The following SDK1 variants were observed in gnomAD, a reference collection of about 807,000 sequenced individuals.
SDK1 encodes the protein sidekick cell adhesion molecule 1, also known as protein sidekick-1.
A neutral mutation model predicts 245.5 loss-of-function variants in SDK1; 157 were observed. The ratio of observed to expected loss-of-function variants is 0.64; its 90% CI spans 0.56 to 0.73. SDK1 has a LOEUF of 0.73. Ranked by LOEUF, SDK1 falls within the 30% of genes least tolerant of loss-of-function variation. The pLI, the probability that SDK1 is intolerant of heterozygous loss-of-function variation, is 0.00. For synonymous variants in SDK1, 1,647 were observed against 1,278.5 expected (o/e 1.29, Z -6.15); for missense variants, 3,583 against 3,002.3 (o/e 1.19, Z -4.52).
chr7:4,100,081 T>G (rs1782435581), intron 22 of SDK1, among the ~76,000 whole-genome samples: 1 of 152,198 alleles, frequency 6.6e-6, no homozygotes, highest in Admixed American at 6.5e-5. Context: ...TCACGCCCCT[T>G]CCTGGGCAAC....
intron 4 of SDK1, among the ~76,000 whole-genome samples, chr7:3,746,258 A>C (rs1366793634): frequency 1.3e-5 from 2 of 152,244 alleles, no homozygotes; most frequent in Non-Finnish European, 2.9e-5. Flanking sequence ...AAAATACTTT[A>C]TTTTAAAATA....
chr7:3,507,421 G>A (rs1391294983), intron 1 of SDK1, among the ~76,000 whole-genome samples: 1 of 152,090 alleles, frequency 6.6e-6, no homozygotes, highest in Non-Finnish European at 1.5e-5. Flanking sequence ...TTTTGGGGTA[G>A]CCAGTACCTA....
chr7:4,253,416 A>T (rs1787435227), intron 44 of SDK1, among the ~76,000 whole-genome samples: 1 of 152,012 alleles, frequency 6.6e-6, no homozygotes, highest in Non-Finnish European at 1.5e-5. Flanking sequence ...TGTGTTTTAC[A>T]TTTCCTCATA....
In SDK1 at chr7:4,017,467, C is replaced by A. The variant is rs150179656; in HGVS notation, c.2602+115C>A. 1.1e-5 allele frequency: 9 copies of A among 848,634 alleles called. No homozygotes were observed. The Admixed American group carries it at 2.3e-4, about 22-fold the overall frequency. The allele number at this position is 848,634 out of a possible 1,614,324, so 52.6% of individuals were successfully genotyped here. A position where few individuals can be genotyped will look rare whatever the true frequency, so the allele number is the denominator to read the frequency against. ...ACAGAGAATCCAGTCCCCTAGGGAG[C>A]GTTTACAAGAAAATTCATCACGTAT... On this transcript the variant is annotated intron_variant, in intron 17 of 44. Coordinates refer to ENST00000404826, the MANE Select transcript of SDK1 (RefSeq NM_152744.4).
chr7:3,403,458 G>A (rs1245708078), intron 1 of SDK1, among the ~76,000 whole-genome samples: 2 of 151,972 alleles, frequency 1.3e-5, no homozygotes, highest in Admixed American at 6.6e-5. Context: ...TGTTTGATTT[G>A]TGATGCTGAC....
chr7:3,560,724 C>T (rs1273663031), intron 1 of SDK1, among the ~76,000 whole-genome samples: 1 of 152,142 alleles, frequency 6.6e-6, no homozygotes, highest in Non-Finnish European at 1.5e-5. Flanking sequence ...CCCACGTCTC[C>T]ACTGGGCCTG....
intron 22 of SDK1, among the ~76,000 whole-genome samples, chr7:4,109,082 G>C (rs1429235206): frequency 2.0e-5 from 3 of 152,194 alleles, no homozygotes; most frequent in Non-Finnish European, 4.4e-5. Context: ...CTGGGCGTTT[G>C]CCTTGTTCAC....
chr7:3,710,190 A>G (rs1785009566), intron 4 of SDK1, among the ~76,000 whole-genome samples: 1 of 152,210 alleles, frequency 6.6e-6, no homozygotes, highest in Non-Finnish European at 1.5e-5. Flanking sequence ...AGAGCCAGTA[A>G]CATGCAGCAG....
At chr7:4,168,216 C>T (rs1781617154) in intron 32 of SDK1, among the ~76,000 whole-genome samples, 1 of 152,162 alleles carries the variant, frequency 6.6e-6, no homozygotes, top group African/African-American at 2.4e-5. Flanking sequence ...GGCACGGCCG[C>T]CTGGACCCCC....
chr7:4,066,528 A>G (rs1779910522), intron 19 of SDK1, among the ~76,000 whole-genome samples: 1 of 152,208 alleles, frequency 6.6e-6, no homozygotes, highest in Non-Finnish European at 1.5e-5. Context: ...ATGGCTATAG[A>G]GAGACCATGG....
At chr7:4,031,700 G>A (rs1443646) in intron 17 of SDK1, among the ~76,000 whole-genome samples, 1 of 152,072 alleles carries the variant, frequency 6.6e-6, no homozygotes, top group Non-Finnish European at 1.5e-5. Context: ...TATGACAGAA[G>A]TGAAGTGAAA....
chr7:4,067,418 G>T (rs750890001), intron 19 of SDK1, among the ~76,000 whole-genome samples: 2 of 152,180 alleles, frequency 1.3e-5, no homozygotes, highest in African/African-American at 4.8e-5. Context: ...CTGGGCCCAG[G>T]GTCCTTTTCT....
chr7:4,032,072 G>GATCATGTCCTAGGCCACAGA (rs772584965), intron 17 of SDK1, among the ~76,000 whole-genome samples: 2 of 150,494 alleles, frequency 1.3e-5, no homozygotes, highest in African/African-American at 2.5e-5. Context: ...TCGATCGATC[G>GATCATGTCCTAGGCCACAGA]ATCATGTCCT....
At chr7:3,375,179 G>T (rs1781322879) in intron 1 of SDK1, among the ~76,000 whole-genome samples, 1 of 90,160 alleles carries the variant, frequency 1.1e-5, no homozygotes, top group South Asian at 5.5e-4. Context: ...AAGTTAATTT[G>T]CAAAAAAAAA....
intron 4 of SDK1, among the ~76,000 whole-genome samples, chr7:3,785,066 A>G (rs1583411125): frequency 6.6e-6 from 1 of 152,216 alleles, no homozygotes; most frequent in East Asian, 1.9e-4. Context: ...CATGGATGGA[A>G]TCAGAGAGCG....
Position 3,971,561 on chromosome 7 carries a change from T to C in SDK1, c.1810T>C (p.Ser604Pro). The change falls in exon 12 of 45, where the codon TCA becomes CCA. Residue 604 changes from serine (S) to proline (P), a missense_variant. Transcript: ENST00000404826. ...TGGTGCCACACATGACCCCCGGGTT[T>C]CACTCCGGTCAGCACAATCAGTTAC... ...HCGATHDPRV[S>P]LRYVWKKDNV... is the part of the protein sequence containing the mutation. The C allele has an allele frequency of 6.2e-7, 1 of 1,609,124 alleles. No individual in the cohort carries two copies. The highest frequency in any genetic ancestry group is 1.1e-5 in the South Asian group (1 of 90,216).
At chr7:4,131,223 C>T (rs1328671396) in intron 27 of SDK1, among the ~76,000 whole-genome samples, 1 of 152,218 alleles carries the variant, frequency 6.6e-6, no homozygotes, top group Non-Finnish European at 1.5e-5. Flanking sequence ...CCTCCTGAAG[C>T]AGGCGCTGGT....
intron 1 of SDK1, among the ~76,000 whole-genome samples, chr7:3,389,471 G>GTGT (rs1459283115): frequency 2.6e-5 from 4 of 152,206 alleles, no homozygotes; most frequent in African/African-American, 9.6e-5. Flanking sequence ...GGACAAGGGA[G>GTGT]TGTAGCTCTA....
At chr7:3,937,963 G>C (rs967337226) in intron 5 of SDK1, among the ~76,000 whole-genome samples, 7 of 151,998 alleles carry the variant, frequency 4.6e-5, no homozygotes, top group African/African-American at 1.2e-4. Context: ...TCAGCCTTCT[G>C]AGTAACTGGG....
Sources: allele counts gnomAD v4.1 joint callset (sites outside exome capture counted in the v4.1 genomes callset), GRCh38; gene constraint gnomAD v4.1.1; transcripts MANE v1.5; gene names NCBI Gene and HGNC (gene_info 2026-07-23, HGNC 2026-07-21).